TGFBR3: variants seen among roughly 807,000 people sequenced by gnomAD.
TGFBR3 encodes transforming growth factor beta receptor 3.
A neutral mutation model predicts 87.9 loss-of-function variants in TGFBR3; 46 were observed. The ratio of observed to expected loss-of-function variants is 0.52; its 90% CI spans 0.41 to 0.67. The LOEUF (loss-of-function observed/expected upper bound fraction) is 0.67, where lower values mean the gene tolerates loss of function less well. Ranked by LOEUF, TGFBR3 falls within the 30% of genes least tolerant of loss-of-function variation. TGFBR3 has a pLI of 0.00. For synonymous variants in TGFBR3, 381 were observed against 391.6 expected (o/e 0.97, Z 0.32); for missense variants, 866 against 1,041.9 (o/e 0.83, Z 2.32).
chr1:91,751,830 T>A (rs1673550420), intron 4 of TGFBR3, among the ~76,000 whole-genome samples: 1 of 152,232 alleles, frequency 6.6e-6, no homozygotes, highest in South Asian at 2.1e-4. Flanking sequence ...TTATTGCAAC[T>A]GCCCTGCCTT....
intron 4 of TGFBR3, among the ~76,000 whole-genome samples, chr1:91,740,923 T>C (rs1421679999): frequency 6.6e-6 from 1 of 152,154 alleles, no homozygotes; most frequent in Non-Finnish European, 1.5e-5. Context: ...GTTGCAATCA[T>C]CACTGCAAGG....
chr1:91,834,045 AG>A (rs1676964987), intron 2 of TGFBR3, among the ~76,000 whole-genome samples: 1 of 152,208 alleles, frequency 6.6e-6, no homozygotes, highest in African/African-American at 2.4e-5. Flanking sequence ...CTCCAGAAAA[AG>A]GAACTATTTG....
chr1:91,843,645 C>T (rs1456024355), intron 2 of TGFBR3, among the ~76,000 whole-genome samples: 1 of 152,138 alleles, frequency 6.6e-6, no homozygotes, highest in Non-Finnish European at 1.5e-5. Context: ...CTCACAAGAA[C>T]ACAACTGAGA....
At position 91,797,347 on chromosome 1, in the gene TGFBR3, C is replaced by T. The variant is rs1172556842; in HGVS notation, c.186G>A (p.Gln62=). ...CASRGTTGLP[Q]EVHVLNLRTA... is the part of the protein sequence containing the mutation. ...TGCGGAGATTCAGGACATGCACCTC[C>T]TGTGGCAGCCCAGTTGTGCCTCTGC... Residue 62 remains glutamine, a synonymous_variant, in exon 3 of 17, where the codon CAG becomes CAA. Coordinates refer to ENST00000212355, the MANE Select transcript of TGFBR3 (RefSeq NM_003243.5). 6.2e-7 allele frequency: 1 copy of T among 1,614,256 alleles called. No individual in the cohort carries two copies. Among genetic ancestry groups the T allele is most frequent in the Non-Finnish European group, 8.5e-7 (1 of 1,180,042 alleles).
intron 2 of TGFBR3, among the ~76,000 whole-genome samples, chr1:91,841,509 A>G (rs971279269): frequency 7.9e-5 from 12 of 152,094 alleles, no homozygotes; most frequent in Non-Finnish European, 8.8e-5. Flanking sequence ...TTATAAAAAT[A>G]GTTGGCCAGG....
chr1:91,765,719 C>T (rs1258744021), intron 3 of TGFBR3, among the ~76,000 whole-genome samples: 1 of 152,170 alleles, frequency 6.6e-6, no homozygotes, highest in African/African-American at 2.4e-5. Flanking sequence ...TGTTTTCTTC[C>T]TTAGGGATAG....
intron 1 of TGFBR3, among the ~76,000 whole-genome samples, chr1:91,864,945 G>T (rs1450897848): frequency 6.6e-6 from 1 of 152,130 alleles, no homozygotes; most frequent in East Asian, 1.9e-4. Flanking sequence ...GCTCATGCCT[G>T]TAATCCCAGC....
chr1:91,885,008 G>A (rs1196155746), intron 1 of TGFBR3, among the ~76,000 whole-genome samples: 2 of 152,208 alleles, frequency 1.3e-5, no homozygotes, highest in South Asian at 2.1e-4. Flanking sequence ...GCTAACCTCC[G>A]TGCGGTGCTT....
intron 4 of TGFBR3, among the ~76,000 whole-genome samples, chr1:91,750,059 A>T (rs1673482613): frequency 6.6e-6 from 1 of 152,202 alleles, no homozygotes; most frequent in Non-Finnish European, 1.5e-5. Flanking sequence ...AAGTGAGTTT[A>T]TTTGACCTCA....
intron 1 of TGFBR3, among the ~76,000 whole-genome samples, chr1:91,865,651 G>A (rs1442325696): frequency 6.6e-6 from 1 of 150,424 alleles, no homozygotes; most frequent in African/African-American, 2.4e-5. Flanking sequence ...GGTGGCTCAC[G>A]CCTGTAATCC....
chr1:91,872,263 A>C (rs1404218771), intron 1 of TGFBR3, among the ~76,000 whole-genome samples: 1 of 152,152 alleles, frequency 6.6e-6, no homozygotes, highest in Non-Finnish European at 1.5e-5. Context: ...TACCCATAAG[A>C]GTCTGACACT....
chr1:91,788,935 G>A (rs1218577908), intron 3 of TGFBR3, among the ~76,000 whole-genome samples: 1 of 152,108 alleles, frequency 6.6e-6, no homozygotes, highest in Non-Finnish European at 1.5e-5. Context: ...TACAGGTCAG[G>A]GTTCTAACCC....
chr1:91,730,853 C>G (rs1027159757), intron 5 of TGFBR3, among the ~76,000 whole-genome samples: 2 of 152,262 alleles, frequency 1.3e-5, no homozygotes, highest in Non-Finnish European at 2.9e-5. Context: ...TGGCACTTTA[C>G]AGTTTACAAA....
At chr1:91,837,750 C>T (rs1045430867) in intron 2 of TGFBR3, among the ~76,000 whole-genome samples, 1 of 152,062 alleles carries the variant, frequency 6.6e-6, no homozygotes, top group African/African-American at 2.4e-5. Context: ...AAATTTTCAG[C>T]AATAATTAAA....
At chr1:91,708,521 C>T (rs1210727592) in intron 14 of TGFBR3, 142 bp downstream of exon 14, 19 of 1,295,874 alleles carry the variant, frequency 1.5e-5, no homozygotes, top group South Asian at 9.6e-5. Flanking sequence ...AAAGACTCTT[C>T]GGGCAAAAAA....
intron 2 of TGFBR3, among the ~76,000 whole-genome samples, chr1:91,830,765 C>T (rs1383792994): frequency 6.6e-6 from 1 of 152,146 alleles, no homozygotes; most frequent in Non-Finnish European, 1.5e-5. Flanking sequence ...CTCCTTGTGG[C>T]TTCAACAGTC....
chr1:91,785,197 G>A (rs2100976044), intron 3 of TGFBR3, among the ~76,000 whole-genome samples: 1 of 152,336 alleles, frequency 6.6e-6, no homozygotes, highest in East Asian at 1.9e-4. Context: ...AACCTCAAGT[G>A]CTTTACGCTA....
chr1:91,732,446 T>A lies in TGFBR3; in HGVS notation c.568+2330A>T, dbSNP rs772725515. 7.2e-5 allele frequency among the ~76,000 whole-genome samples: 11 copies of A among 152,270 alleles called. No homozygotes were observed. The South Asian group carries it at 2.3e-3, about 32-fold the overall frequency. On this transcript the variant is annotated intron_variant, in intron 5 of 16. Coordinates refer to ENST00000212355, the MANE Select transcript of TGFBR3 (RefSeq NM_003243.5). ...GCATTTCCATCAAGTCCCCAAGTGA[T>A]GCGGATGCTGCTGGGGCAAAAACCA...
intron 12 of TGFBR3, among the ~76,000 whole-genome samples, chr1:91,714,389 C>T (rs1321333596): frequency 6.6e-6 from 1 of 152,000 alleles, no homozygotes; most frequent in African/African-American, 2.4e-5. Flanking sequence ...AAGAAAACTG[C>T]CATTATGTGA....
Sources: gnomAD v4.1 joint callset for allele counts (sites outside exome capture counted in the v4.1 genomes callset) on GRCh38, gnomAD v4.1.1 for gene constraint, MANE v1.5 for transcripts, NCBI Gene and HGNC (gene_info 2026-07-23, HGNC 2026-07-21) for gene names.